The following ERICH1 variants were observed in gnomAD, a reference collection of about 807,000 sequenced individuals.
The protein encoded by ERICH1 is glutamate-rich protein 1.
In ERICH1, 56 loss-of-function variants were observed where a neutral mutation model predicts 39.6. The ratio of observed to expected loss-of-function variants is 1.41; its 90% confidence interval spans 1.14 to 1.77. The LOEUF (loss-of-function observed/expected upper bound fraction) is 1.77, where lower values mean the gene tolerates loss of function less well. Among genes scored for constraint, ERICH1 ranks in the 40% most tolerant of loss-of-function variants. The probability of loss-of-function intolerance (pLI) is 0.00; values close to 1 mark genes in which losing one functional copy is unlikely to be tolerated. For synonymous variants in ERICH1, 313 were observed against 223.6 expected, an observed-to-expected ratio of 1.40 and a Z score of -3.57; for missense variants, 826 against 575.4, an observed-to-expected ratio of 1.44 and a Z score of -4.45.
chr8:729,421 G>T (rs537727978), intron 1 of ERICH1, among the ~76,000 whole-genome samples: 5 of 152,244 alleles, frequency 3.3e-5, no homozygotes, highest in African/African-American at 1.2e-4. Flanking sequence ...AACTTCACTC[G>T]TTGCAAGCCA....
At chr8:696,863 C>T (rs1810423606) in intron 2 of ERICH1, among the ~76,000 whole-genome samples, 1 of 144,082 alleles carries the variant, frequency 6.9e-6, no homozygotes, top group Non-Finnish European at 1.5e-5. Context: ...CCCTCTCCTT[C>T]CTCCCCATCA....
intron 4 of ERICH1, 125 bp from the exon 5 acceptor site, chr8:668,917 G>A (rs1357970895): frequency 9.7e-6 from 8 of 825,908 alleles, no homozygotes; most frequent in African/African-American, 1.7e-5. Flanking sequence ...ATATCTGGGA[G>A]ATGAGAAGCT....
intron 3 of ERICH1, among the ~76,000 whole-genome samples, chr8:630,100 C>T (rs542016975): frequency 7.3e-6 from 1 of 136,440 alleles, no homozygotes; most frequent in Non-Finnish European, 1.6e-5. Context: ...ACAGAGCTGA[C>T]TCACACCCTC....
chr8:692,126 A>G (rs1417541968), intron 3 of ERICH1, among the ~76,000 whole-genome samples: 1 of 152,244 alleles, frequency 6.6e-6, no homozygotes, highest in Non-Finnish European at 1.5e-5. Flanking sequence ...AATCAAGAAA[A>G]TAATATTTTG....
At chr8:728,772 T>C (rs1340779619) in intron 1 of ERICH1, among the ~76,000 whole-genome samples, 5 of 152,182 alleles carry the variant, frequency 3.3e-5, no homozygotes, top group Non-Finnish European at 4.4e-5. Context: ...TAGCATAACA[T>C]AGAGCACATT....
At chr8:728,527 A>C (rs1003322008) in intron 1 of ERICH1, among the ~76,000 whole-genome samples, 1 of 152,136 alleles carries the variant, frequency 6.6e-6, no homozygotes, top group Admixed American at 6.5e-5. Flanking sequence ...ACCCCACTCC[A>C]GGCTCCCCTG....
intron 3 of ERICH1, among the ~76,000 whole-genome samples, chr8:678,011 T>C (rs368801144): frequency 2.0e-5 from 3 of 152,320 alleles, no homozygotes; most frequent in South Asian, 2.1e-4. Context: ...GACTGCGCTA[T>C]TGATCTATTT....
chr8:641,670 G>A (rs919734486), intron 3 of ERICH1, among the ~76,000 whole-genome samples: 12 of 152,224 alleles, frequency 7.9e-5, no homozygotes, highest in East Asian at 1.9e-4. Context: ...AGAACGCAGC[G>A]GCCGTCACGC....
intron 3 of ERICH1, among the ~76,000 whole-genome samples, chr8:630,028 C>A (rs1250588105): frequency 7.2e-6 from 1 of 138,102 alleles, no homozygotes; most frequent in South Asian, 2.4e-4. Context: ...CTGACTCACA[C>A]CCTCCCGTGA....
chr8:680,994 C>T (rs1320079296), intron 3 of ERICH1, among the ~76,000 whole-genome samples: 1 of 152,202 alleles, frequency 6.6e-6, no homozygotes, highest in African/African-American at 2.4e-5. Context: ...ATAGTGGTCT[C>T]AGGGTCATGC....
chr8:724,951 C>G (rs1003185006), intron 1 of ERICH1, among the ~76,000 whole-genome samples: 1 of 152,210 alleles, frequency 6.6e-6, no homozygotes, highest in Non-Finnish European at 1.5e-5. Context: ...GACCCCACTT[C>G]TTCCCTGCGC....
At chr8:615,889 G>A (rs1796876651) in intron 3 of ERICH1, 1 of 152,324 alleles carries the variant, frequency 6.6e-6, no homozygotes, top group Non-Finnish European at 1.5e-5. Context: ...CCTCTTTAAT[G>A]AATACGCTGT....
chr8:615,178 C>A, exon 4 of ERICH1: 1 of 646,196 alleles, frequency 1.5e-6, no homozygotes, highest in South Asian at 1.8e-5. Flanking sequence ...CGAAAGTAGA[C>A]AGTTCCTCTT....
rs1225811949 is a variant in ERICH1 at position 692,530 on chromosome 8, C to T, written c.252G>A (p.Glu84=). 1 of 1,614,034 alleles carries T rather than the reference C, an allele frequency of 6.2e-7. No homozygotes were observed. Among genetic ancestry groups the T allele is most frequent in the Non-Finnish European group, 8.5e-7 (1 of 1,179,966 alleles). ...TCTCGGGGCTCCCACAGCTGCTGGG[C>T]TCCGGCCAACAGGGGACGTAGCCCT... ...PPEGYVPCWP[E]PSSCGSPENA... is the part of the protein sequence containing the mutation. The change falls in exon 3 of 6, where the codon GAG becomes GAA. Residue 84 remains glutamate, a synonymous_variant. Transcript: ENST00000262109.
At chr8:619,026 C>A (rs1023544778) in intron 3 of ERICH1, among the ~76,000 whole-genome samples, 5 of 152,162 alleles carry the variant, frequency 3.3e-5, no homozygotes, top group African/African-American at 1.2e-4. Flanking sequence ...TCCAGTAAAT[C>A]TTAGTAACAA....
intron 3 of ERICH1, among the ~76,000 whole-genome samples, chr8:679,730 C>A (rs559032288): frequency 3.3e-5 from 5 of 152,370 alleles, no homozygotes; most frequent in Admixed American, 3.3e-4. Flanking sequence ...AGCCTTTTCT[C>A]CAACAGGTCC....
intron 1 of ERICH1, among the ~76,000 whole-genome samples, chr8:724,814 T>C (rs1280477451): frequency 6.6e-6 from 1 of 152,158 alleles, no homozygotes; most frequent in African/African-American, 2.4e-5. Context: ...CACGGGCAGG[T>C]TACGCTCACT....
At chr8:615,536 G>C in intron 3 of ERICH1, 3 of 412,456 alleles carry the variant, frequency 7.3e-6, no homozygotes, top group Non-Finnish European at 1.3e-5. Context: ...GACAATGGCA[G>C]TGTTGATTAC....
intron 2 of ERICH1, among the ~76,000 whole-genome samples, chr8:715,545 G>C (rs1190399152): frequency 6.6e-6 from 1 of 152,262 alleles, no homozygotes; most frequent in Non-Finnish European, 1.5e-5. Flanking sequence ...GTGTATGGTG[G>C]GGAAGGCGCC....
Sources: gnomAD v4.1 joint callset for allele counts (sites outside exome capture counted in the v4.1 genomes callset) on GRCh38, gnomAD v4.1.1 for gene constraint, MANE v1.5 for transcripts, NCBI Gene and HGNC (gene_info 2026-07-23, HGNC 2026-07-21) for gene names.